LRRC4C: variants seen among roughly 807,000 people sequenced by gnomAD.
The protein encoded by LRRC4C is leucine rich repeat containing 4C.
A neutral mutation model predicts 33.6 loss-of-function variants in LRRC4C; 5 were observed. The observed-to-expected ratio is 0.15, with a 90% CI of 0.08 to 0.31. The LOEUF (loss-of-function observed/expected upper bound fraction) is 0.31. Among genes scored for constraint, LRRC4C ranks in the 10% least tolerant of loss-of-function variants. LRRC4C has a pLI of 1.00. For missense variants in LRRC4C, 560 were observed against 796.7 expected (o/e 0.70, Z 3.58); for synonymous variants, 329 against 302.0 (o/e 1.09, Z -0.93).
At chr11:40,281,673 A>G (rs760876538) in intron 4 of LRRC4C, among the ~76,000 whole-genome samples, 10 of 152,158 alleles carry the variant, frequency 6.6e-5, no homozygotes, top group Non-Finnish European at 1.5e-4. Context: ...ATTCCTTAGT[A>G]CTACAGTTCT....
chr11:41,266,436 T>G (rs1423559016), intron 1 of LRRC4C, among the ~76,000 whole-genome samples: 2 of 152,138 alleles, frequency 1.3e-5, no homozygotes, highest in East Asian at 3.9e-4. Context: ...TTTATAAACC[T>G]GACTTTCTCC....
chr11:40,418,167 C>G (rs1162698925), intron 3 of LRRC4C, among the ~76,000 whole-genome samples: 1 of 152,050 alleles, frequency 6.6e-6, no homozygotes, highest in Non-Finnish European at 1.5e-5. Context: ...TCCAAACAGG[C>G]AACCTACAGA....
intron 3 of LRRC4C, among the ~76,000 whole-genome samples, chr11:40,646,730 C>G (rs988021715): frequency 2.0e-5 from 3 of 152,160 alleles, no homozygotes; most frequent in African/African-American, 7.2e-5. Flanking sequence ...CCTCAGCCTC[C>G]CGAGTAGCTG....
intron 5 of LRRC4C, among the ~76,000 whole-genome samples, chr11:40,165,379 GTGTA>G (rs1483953493): frequency 6.6e-6 from 1 of 152,092 alleles, no homozygotes; most frequent in Non-Finnish European, 1.5e-5. Context: ...GGCAGAGTGT[GTGTA>G]TGTGTCTATG....
intron 5 of LRRC4C, among the ~76,000 whole-genome samples, chr11:40,220,267 G>A (rs192817855): frequency 3.9e-5 from 6 of 152,114 alleles, no homozygotes; most frequent in East Asian, 1.9e-4. Flanking sequence ...AAAGTCTGTC[G>A]ACTCCTACAC....
rs538491320 is a variant in LRRC4C at position 41,192,265 on chromosome 11, T to C, written c.-495-258542A>G. 4.6e-5 allele frequency among the ~76,000 whole-genome samples: 7 copies of C among 152,216 alleles called. No individual in the cohort carries two copies. The East Asian group carries it at 9.7e-4, about 21-fold the overall frequency. ...TAAGCCCCAGGAGAGCACATACTTA[T>C]CTTTTTCACTTCTTTTGTCAGAACT... On this transcript the variant is annotated intron_variant, in intron 1 of 6. Coordinates refer to ENST00000528697, the MANE Select transcript of LRRC4C (RefSeq NM_001258419.2).
rs147343610 is a variant in LRRC4C at position 40,572,087 on chromosome 11, T to C, written c.-270+76055A>G. ...ACAAATGACTATCGGTCCTACATTA[T>C]AGGAAGTATGGTACCTGCTATTAAT... On this transcript the variant is annotated intron_variant, in intron 3 of 6. Transcript: ENST00000528697. Among the ~76,000 whole-genome samples, 125 of 152,286 alleles carry C rather than the reference T, an allele frequency of 8.2e-4. 1 individual carries two copies. Among genetic ancestry groups the C allele is most frequent in the East Asian group, 1.7e-3 (9 of 5,186 alleles).
chr11:40,706,102 G>T (rs1032812246), intron 2 of LRRC4C, among the ~76,000 whole-genome samples: 8 of 152,170 alleles, frequency 5.3e-5, no homozygotes, highest in African/African-American at 1.9e-4. Flanking sequence ...GTAGATTCTG[G>T]ATATTAGCCC....
intron 1 of LRRC4C, among the ~76,000 whole-genome samples, chr11:41,078,303 C>T (rs1391325262): frequency 6.6e-6 from 1 of 152,186 alleles, no homozygotes; most frequent in East Asian, 1.9e-4. Context: ...TTACCCAGTT[C>T]CAAAGTTGCT....
intron 3 of LRRC4C, among the ~76,000 whole-genome samples, chr11:40,607,753 G>C (rs1414614508): frequency 6.6e-6 from 1 of 152,144 alleles, no homozygotes; most frequent in East Asian, 1.9e-4. Flanking sequence ...CTTGTGATGA[G>C]GCAGAATGTC....
chr11:41,208,968 T>C (rs923079558), intron 1 of LRRC4C, among the ~76,000 whole-genome samples: 2 of 150,276 alleles, frequency 1.3e-5, no homozygotes, highest in African/African-American at 2.5e-5. Context: ...GGGTTTGGAG[T>C]GCAGAGAGGC....
chr11:40,338,676 A>G (rs944103131), intron 3 of LRRC4C, among the ~76,000 whole-genome samples: 19 of 152,214 alleles, frequency 1.2e-4, no homozygotes, highest in Non-Finnish European at 2.2e-4. Flanking sequence ...TCATTTTGAA[A>G]GTATTTTTTT....
intron 3 of LRRC4C, among the ~76,000 whole-genome samples, chr11:40,451,073 T>C (rs960089793): frequency 1.3e-5 from 2 of 151,718 alleles, no homozygotes; most frequent in African/African-American, 4.8e-5. Flanking sequence ...TATATATTTA[T>C]ACAAATCTTT....
At chr11:40,638,487 G>T (rs1388489465) in intron 3 of LRRC4C, among the ~76,000 whole-genome samples, 2 of 152,256 alleles carry the variant, frequency 1.3e-5, no homozygotes, top group South Asian at 2.1e-4. Flanking sequence ...CTATAAAATA[G>T]AAATAATTGT....
chr11:41,123,898 G>A (rs1942604586), intron 1 of LRRC4C, among the ~76,000 whole-genome samples: 1 of 152,084 alleles, frequency 6.6e-6, no homozygotes, highest in Admixed American at 6.5e-5. Context: ...TTCACACTGT[G>A]TACTCATATT....
In LRRC4C at chr11:41,115,448, C is replaced by T. The variant is rs181898117; in HGVS notation, c.-495-181725G>A. Among the ~76,000 whole-genome samples the T allele has an allele frequency of 5.3e-5, 8 of 151,420 alleles. No individual in the cohort carries two copies. The East Asian group carries it at 9.8e-4, about 18-fold the overall frequency. On this transcript the variant is annotated intron_variant, in intron 1 of 6. Coordinates refer to ENST00000528697, the MANE Select transcript of LRRC4C (RefSeq NM_001258419.2). ...TCCTTATTTAGCAGTAAAATGGAGTCAACCAAAACAAAAATACTGTCAAAA... is the reference window on the plus strand; with the variant it reads ...TCCTTATTTAGCAGTAAAATGGAGTTAACCAAAACAAAAATACTGTCAAAA...
chr11:41,366,085 C>T (rs935648846), intron 1 of LRRC4C, among the ~76,000 whole-genome samples: 10 of 151,774 alleles, frequency 6.6e-5, no homozygotes, highest in East Asian at 1.9e-4. Flanking sequence ...AGCATTTGTG[C>T]CTTCAAACTA....
chr11:40,502,630 G>A (rs1002503970), intron 3 of LRRC4C, among the ~76,000 whole-genome samples: 2 of 152,072 alleles, frequency 1.3e-5, no homozygotes, highest in African/African-American at 4.8e-5. Flanking sequence ...TCTCCCACCT[G>A]GTCCCTCCCA....
intron 3 of LRRC4C, among the ~76,000 whole-genome samples, chr11:40,480,553 T>G (rs1048893450): frequency 2.0e-5 from 3 of 151,982 alleles, no homozygotes; most frequent in African/African-American, 7.2e-5. Flanking sequence ...TGAAATAATC[T>G]GGACACTAAA....
Sources: gnomAD v4.1 joint callset for allele counts (sites outside exome capture counted in the v4.1 genomes callset) on GRCh38, gnomAD v4.1.1 for gene constraint, MANE v1.5 for transcripts, NCBI Gene and HGNC (gene_info 2026-07-23, HGNC 2026-07-21) for gene names.